The following MAGED1 variants were observed in gnomAD, a reference collection of about 807,000 sequenced individuals.
MAGED1 encodes the protein melanoma-associated antigen D1.
In MAGED1, 3 loss-of-function variants were observed where a neutral mutation model predicts 54.1. That is an observed-to-expected ratio of 0.06 (90% confidence interval 0.03 to 0.14). The LOEUF (loss-of-function observed/expected upper bound fraction) is 0.14. MAGED1 is among the 10% of genes least tolerant of loss of function. MAGED1 has a pLI of 1.00. For synonymous variants in MAGED1, 217 were observed against 227.3 expected, an observed-to-expected ratio of 0.95 and a Z score of 0.41; for missense variants, 485 against 623.4, an observed-to-expected ratio of 0.78 and a Z score of 2.36.
At chrX:51,892,517 C>T (rs1206355837), upstream of MAGED1, among the ~76,000 whole-genome samples, 1 of 112,057 alleles carries the variant, frequency 8.9e-6, no homozygotes, top group Non-Finnish European at 1.9e-5. Flanking sequence ...GTGATTGTAT[C>T]CCTGATAAGG....
chrX:51,902,168 T>C lies in MAGED1; in HGVS notation c.*31T>C, dbSNP rs1234844096. 3.2e-6 allele frequency: 1 copy of C among 308,090 alleles called. No individual in the cohort carries two copies. Among genetic ancestry groups the C allele is most frequent in the African/African-American group, 2.7e-5 (1 of 37,440 alleles). 25.4% of individuals were successfully genotyped at this position (308,090 alleles called of 1,213,427 possible). On this transcript the variant is annotated 3_prime_UTR_variant, in exon 13 of 13. Transcript: ENST00000326587. ...CAGATATTGCTATCAATCGCAGTAGTCTTTCCCCTGTGTGAGGCTGAAGCC... is the reference window on the plus strand; with the variant it reads ...CAGATATTGCTATCAATCGCAGTAGCCTTTCCCCTGTGTGAGGCTGAAGCC...
chrX:51,843,073 C>T (rs1926566066), intron 1 of MAGED1, among the ~76,000 whole-genome samples: 1 of 111,507 alleles, frequency 9.0e-6, no homozygotes, highest in Admixed American at 9.5e-5. Context: ...CTTTTGAGGG[C>T]TTTATTTTCT....
At chrX:51,834,917 T>A (rs1926190271) in intron 1 of MAGED1, among the ~76,000 whole-genome samples, 1 of 112,456 alleles carries the variant, frequency 8.9e-6, no homozygotes, top group Non-Finnish European at 1.9e-5. Flanking sequence ...GACTTTGATC[T>A]ATTTATTTTT....
intron 1 of MAGED1, among the ~76,000 whole-genome samples, chrX:51,808,477 G>A (rs1925105115): frequency 8.9e-6 from 1 of 112,095 alleles, no homozygotes; most frequent in African/African-American, 3.2e-5. Flanking sequence ...GGGAGGCCGA[G>A]GTGGGAGGAC....
chrX:51,871,853 G>A (rs1319633739), intron 1 of MAGED1, among the ~76,000 whole-genome samples: 4 of 111,756 alleles, frequency 3.6e-5, no homozygotes, highest in African/African-American at 9.8e-5. Flanking sequence ...TCGCCACACC[G>A]ACTTCTACAG....
chrX:51,842,415 T>C (rs1465900989), intron 1 of MAGED1, among the ~76,000 whole-genome samples: 5 of 111,578 alleles, frequency 4.5e-5, no homozygotes, highest in African/African-American at 1.6e-4. Context: ...TGTAGTATAC[T>C]TGCTATAGCT....
chrX:51,822,906 T>C (rs188431128), intron 1 of MAGED1, among the ~76,000 whole-genome samples: 14 of 109,184 alleles, frequency 1.3e-4, no homozygotes, highest in African/African-American at 4.7e-4. Context: ...CTGTGTAGAT[T>C]CTTATTTGAC....
chrX:51,832,392 C>T (rs1926103432), intron 1 of MAGED1, among the ~76,000 whole-genome samples: 1 of 111,305 alleles, frequency 9.0e-6, no homozygotes, highest in South Asian at 3.8e-4. Context: ...TATTGTGCTA[C>T]TGAATACTAG....
chrX:51,866,415 C>T (rs1266379411), intron 1 of MAGED1, among the ~76,000 whole-genome samples: 1 of 111,606 alleles, frequency 9.0e-6, no homozygotes, highest in African/African-American at 3.3e-5. Context: ...GCCTTATTTC[C>T]AGCGAAAAGT....
chrX:51,893,359 A>G (rs1439169100), upstream of MAGED1, among the ~76,000 whole-genome samples: 1 of 103,864 alleles, frequency 9.6e-6, no homozygotes, highest in Non-Finnish European at 2.0e-5. Context: ...AAGGGGTGGG[A>G]CCAAGAGGCA....
intron 1 of MAGED1, among the ~76,000 whole-genome samples, chrX:51,825,127 T>G (rs1925808059): frequency 9.1e-6 from 1 of 110,486 alleles, no homozygotes; most frequent in East Asian, 2.8e-4. Context: ...TTGACAGGCT[T>G]GCATGTTGGG....
intron 1 of MAGED1, among the ~76,000 whole-genome samples, chrX:51,817,787 A>G (rs1925486519): frequency 8.9e-6 from 1 of 112,012 alleles, no homozygotes. Flanking sequence ...GCAAGGCCCT[A>G]CCACTTTTCA....
chrX:51,881,510 G>A (rs1928056031), intron 1 of MAGED1, among the ~76,000 whole-genome samples: 1 of 109,514 alleles, frequency 9.1e-6, no homozygotes, highest in Admixed American at 9.7e-5. Flanking sequence ...CCGCCTCCTG[G>A]GTAGAAGCGA....
At chrX:51,827,097 G>A (rs782595115) in intron 1 of MAGED1, among the ~76,000 whole-genome samples, 5 of 111,400 alleles carry the variant, frequency 4.5e-5, no homozygotes, top group Non-Finnish European at 7.5e-5. Flanking sequence ...GGAATCATAT[G>A]TGCATATTAC....
At chrX:51,820,801 C>T (rs781845915) in intron 1 of MAGED1, among the ~76,000 whole-genome samples, 27 of 111,404 alleles carry the variant, frequency 2.4e-4, no homozygotes, top group Non-Finnish European at 1.9e-4. Context: ...AAATGTATAA[C>T]GCAATATTGT....
intron 1 of MAGED1, among the ~76,000 whole-genome samples, chrX:51,813,830 A>T (rs1925310932): frequency 9.0e-6 from 1 of 111,628 alleles, no homozygotes; most frequent in South Asian, 3.8e-4. Flanking sequence ...AAGGGTAGCT[A>T]GTTTTTTAGT....
At chrX:51,829,091 T>C (rs1557357172) in intron 1 of MAGED1, among the ~76,000 whole-genome samples, 1 of 111,234 alleles carries the variant, frequency 9.0e-6, no homozygotes, top group Admixed American at 9.6e-5. Flanking sequence ...TACAGTTAGG[T>C]ATTAAGCAGA....
rs181339623 is a variant in MAGED1 at position 51,837,522 on chromosome X, C to G, written c.-37+34405C>G. 5.5e-3 allele frequency among the ~76,000 whole-genome samples: 618 copies of G among 112,019 alleles called. 3 individuals carry two copies. Among genetic ancestry groups the G allele is most frequent in the African/African-American group, 0.019 (576 of 30,831 alleles). On this transcript the variant is annotated intron_variant, in intron 1 of 12. Transcript: ENST00000375772. ...TCATTATTTGTTTTTTACAATGAAG[C>G]CTTTGTGCTCTTCTTTCACATCAGT...
chrX:51,839,906 A>G (rs1350484775), intron 1 of MAGED1, among the ~76,000 whole-genome samples: 3 of 112,331 alleles, frequency 2.7e-5, no homozygotes. Context: ...CTGTAAGACA[A>G]TGGTTCTCAA....
Sources: gnomAD v4.1 joint callset for allele counts (sites outside exome capture counted in the v4.1 genomes callset) on GRCh38, gnomAD v4.1.1 for gene constraint, MANE v1.5 for transcripts, NCBI Gene and HGNC (gene_info 2026-07-23, HGNC 2026-07-21) for gene names.